Variants in TNFSF13B observed in about 807,000 individuals in gnomAD.
The protein encoded by TNFSF13B is tumor necrosis factor ligand superfamily member 13B.
TNFSF13B carries 8 observed loss-of-function variants against 29.1 expected under a neutral mutation model. The observed-to-expected ratio is 0.27, with a 90% CI of 0.16 to 0.50. The LOEUF (loss-of-function observed/expected upper bound fraction) is 0.50, where lower values mean the gene tolerates loss of function less well. Among genes scored for constraint, TNFSF13B ranks in the 20% least tolerant of loss-of-function variants. The pLI, the probability that TNFSF13B is intolerant of heterozygous loss-of-function variation, is 0.98. For synonymous variants in TNFSF13B, 125 were observed against 130.8 expected, an observed-to-expected ratio of 0.96 and a Z score of 0.30; for missense variants, 248 against 334.9, an observed-to-expected ratio of 0.74 and a Z score of 2.03.
In TNFSF13B at chr13:108,269,869, C is replaced by T. The variant is rs747610683; in HGVS notation, c.-27C>T. On this transcript the variant is annotated 5_prime_UTR_variant, in exon 1 of 6. Coordinates refer to ENST00000375887, the MANE Select transcript of TNFSF13B (RefSeq NM_006573.5). Reference sequence around the variant, plus strand: ...CCCTGTGGTCACTTATTCTAAAGGCCCCAACCTTCAAAGTTCAAGTAGTGA... The same window carrying T: ...CCCTGTGGTCACTTATTCTAAAGGCTCCAACCTTCAAAGTTCAAGTAGTGA... 2.6e-6 allele frequency: 4 copies of T among 1,565,710 alleles called. No homozygotes were observed. The highest frequency in any genetic ancestry group is 2.4e-5 in the South Asian group (2 of 84,938).
chr13:108,283,254 C>A (rs1881010799), intron 2 of TNFSF13B, among the ~76,000 whole-genome samples: 1 of 152,194 alleles, frequency 6.6e-6, no homozygotes, highest in African/African-American at 2.4e-5. Context: ...TTGGAAAAGT[C>A]GAGTAACTTT....
Position 108,303,557 on chromosome 13 carries a change from T to A in TNFSF13B, c.698T>A (p.Ile233Asn). The A allele has an allele frequency of 6.2e-7, 1 of 1,613,742 alleles. No homozygotes were observed. Among genetic ancestry groups the A allele is most frequent in the Non-Finnish European group, 8.5e-7 (1 of 1,179,784 alleles). The change falls in exon 5 of 6, where the codon ATT becomes AAT. Residue 233 changes from isoleucine to asparagine, a missense_variant. Transcript: ENST00000375887. ...ELSLVTLFRCIQNMPETLPNN... is the reference protein window; with the variant it reads ...ELSLVTLFRCNQNMPETLPNN... ...AGTCTGGTGACTTTGTTTCGATGTA[T>A]TCAAAATATGCCTGAAACACTACCC... is the stretch of plus-strand genomic sequence containing the variant.
At position 108,308,265 on chromosome 13, in the gene TNFSF13B, A is replaced by T. The variant is rs1019891317; in HGVS notation, c.*1327A>T. Reference sequence around the variant, plus strand: ...TTTAAATTTTATGTTTAAAATATAAACTTTAGATTTAAACTTTATTTAAAT... The same window carrying T: ...TTTAAATTTTATGTTTAAAATATAATCTTTAGATTTAAACTTTATTTAAAT... On this transcript the variant is annotated 3_prime_UTR_variant, in exon 6 of 6. Coordinates refer to ENST00000375887, the MANE Select transcript of TNFSF13B (RefSeq NM_006573.5). The T allele has an allele frequency of 6.6e-6, 1 of 152,128 alleles. No individual in the cohort carries two copies. The highest frequency in any genetic ancestry group is 1.5e-5 in the Non-Finnish European group (1 of 67,998). 9.4% of individuals were successfully genotyped at this position (152,128 alleles called of 1,614,324 possible).
intron 3 of TNFSF13B, among the ~76,000 whole-genome samples, chr13:108,287,756 T>C (rs1881187163): frequency 6.6e-6 from 1 of 152,202 alleles, no homozygotes; most frequent in Non-Finnish European, 1.5e-5. Context: ...CTTGATAATT[T>C]ACCGTTTTCT....
At chr13:108,304,313 G>A (rs1181308819) in intron 5 of TNFSF13B, among the ~76,000 whole-genome samples, 3 of 152,110 alleles carry the variant, frequency 2.0e-5, no homozygotes, top group Non-Finnish European at 4.4e-5. Context: ...GAGGGTAAGG[G>A]AAAGTTGTAC....
chr13:108,272,270 C>G (rs778473197), intron 2 of TNFSF13B, among the ~76,000 whole-genome samples: 7 of 151,980 alleles, frequency 4.6e-5, no homozygotes, highest in Non-Finnish European at 8.8e-5. Flanking sequence ...TTTGGATAAG[C>G]TCTTCCTAAT....
intron 3 of TNFSF13B, among the ~76,000 whole-genome samples, chr13:108,302,137 T>C (rs1213197009): frequency 6.6e-6 from 1 of 152,170 alleles, no homozygotes; most frequent in African/African-American, 2.4e-5. Flanking sequence ...GTTATCTTCT[T>C]GGGCTTCTAG....
At chr13:108,280,087 T>G (rs975518916) in intron 2 of TNFSF13B, among the ~76,000 whole-genome samples, 1 of 149,896 alleles carries the variant, frequency 6.7e-6, no homozygotes, top group African/African-American at 2.4e-5. Flanking sequence ...TTTTTTTTTT[T>G]GCTGTTCTTA....
At chr13:108,278,125 T>C (rs1310604464) in intron 2 of TNFSF13B, among the ~76,000 whole-genome samples, 3 of 152,186 alleles carry the variant, frequency 2.0e-5, no homozygotes, top group Non-Finnish European at 2.9e-5. Flanking sequence ...TATCTATTGA[T>C]TATAAATTCT....
intron 2 of TNFSF13B, among the ~76,000 whole-genome samples, chr13:108,280,069 CTT>C (rs35086854): frequency 1.0e-4 from 12 of 119,982 alleles, no homozygotes; most frequent in African/African-American, 9.2e-5. Context: ...ATGGCGTCTG[CTT>C]TTTTTTTTTT....
At chr13:108,299,683 G>C (rs1478552042) in intron 3 of TNFSF13B, among the ~76,000 whole-genome samples, 1 of 152,072 alleles carries the variant, frequency 6.6e-6, no homozygotes, top group Non-Finnish European at 1.5e-5. Context: ...CTGAACTGGG[G>C]TATTTCTTCA....
At chr13:108,292,831 T>A (rs928916831) in intron 3 of TNFSF13B, among the ~76,000 whole-genome samples, 1 of 152,142 alleles carries the variant, frequency 6.6e-6, no homozygotes, top group African/African-American at 2.4e-5. Flanking sequence ...AAGACCCTTA[T>A]CAAATATCTG....
At chr13:108,293,887 A>C (rs1018393669) in intron 3 of TNFSF13B, among the ~76,000 whole-genome samples, 11 of 152,310 alleles carry the variant, frequency 7.2e-5, no homozygotes, top group Non-Finnish European at 1.2e-4. Context: ...TTTTCTTATA[A>C]GGACATTAAC....
chr13:108,294,789 A>C (rs574174186), intron 3 of TNFSF13B, among the ~76,000 whole-genome samples: 1 of 141,300 alleles, frequency 7.1e-6, no homozygotes, highest in East Asian at 1.9e-4. Flanking sequence ...GAGAAGATTG[A>C]TGTTAATTTT....
Position 108,276,155 on chromosome 13 carries a change from C to T in TNFSF13B, c.424+5731C>T, listed in dbSNP as rs145411784. Among the ~76,000 whole-genome samples, 140 of 152,274 alleles carry T rather than the reference C, an allele frequency of 9.2e-4. 1 individual carries two copies. In the East Asian group the frequency reaches 0.016, roughly 17 times the overall value. On this transcript the variant is annotated intron_variant, in intron 2 of 5. Coordinates refer to ENST00000375887, the MANE Select transcript of TNFSF13B (RefSeq NM_006573.5). ...CAGGCTGTAACATGAGTGTTGGAAGCGTGCAATGTAGAACTTGACCATCCA... is the reference window on the plus strand; with the variant it reads ...CAGGCTGTAACATGAGTGTTGGAAGTGTGCAATGTAGAACTTGACCATCCA...
At chr13:108,294,729 A>G (rs1249792887) in intron 3 of TNFSF13B, among the ~76,000 whole-genome samples, 1 of 109,716 alleles carries the variant, frequency 9.1e-6, no homozygotes, top group East Asian at 2.0e-4. Flanking sequence ...AGACATACAG[A>G]ACAAGTTAGG....
At chr13:108,296,491 G>C (rs1881461982) in intron 3 of TNFSF13B, among the ~76,000 whole-genome samples, 2 of 145,540 alleles carry the variant, frequency 1.4e-5, no homozygotes, top group South Asian at 4.3e-4. Context: ...TTGTGTTTTT[G>C]AATCTGAAGT....
chr13:108,290,440 G>T (rs10508198), intron 3 of TNFSF13B, among the ~76,000 whole-genome samples: 1 of 151,958 alleles, frequency 6.6e-6, no homozygotes, highest in African/African-American at 2.4e-5. Flanking sequence ...GGGTTGTAAA[G>T]TGTTATGCTA....
At chr13:108,285,542 G>A (rs1566402642) in intron 2 of TNFSF13B, among the ~76,000 whole-genome samples, 1 of 152,116 alleles carries the variant, frequency 6.6e-6, no homozygotes, top group East Asian at 1.9e-4. Context: ...ATAATGCAAT[G>A]GTAAGTATTT....
Sources: allele counts gnomAD v4.1 joint callset (sites outside exome capture counted in the v4.1 genomes callset), GRCh38; gene constraint gnomAD v4.1.1; transcripts MANE v1.5; gene names NCBI Gene and HGNC (gene_info 2026-07-23, HGNC 2026-07-21).